Variants in ALPL observed in about 807,000 individuals in gnomAD.
The protein encoded by ALPL is alkaline phosphatase, biomineralization associated.
ALPL carries 42 observed loss-of-function variants against 51.3 expected under a neutral mutation model. The observed-to-expected ratio is 0.82, with a 90% CI of 0.64 to 1.06. ALPL has a LOEUF of 1.06. Among genes scored for constraint, ALPL ranks in the 50% least tolerant of loss-of-function variants. ALPL has a pLI of 0.00. For missense variants in ALPL, 589 were observed against 709.4 expected, an observed-to-expected ratio of 0.83 and a Z score of 1.93; for synonymous variants, 279 against 296.4, an observed-to-expected ratio of 0.94 and a Z score of 0.60.
chr1:21,539,849 G>A (rs1177666389), intron 1 of ALPL, among the ~76,000 whole-genome samples: 1 of 151,966 alleles, frequency 6.6e-6, no homozygotes, highest in Non-Finnish European at 1.5e-5. Context: ...GTAGAGACAG[G>A]GTTTCACCGT....
In ALPL at chr1:21,567,383, G is replaced by A. The variant is rs560606733; in HGVS notation, c.649-721G>A. 4.1e-4 allele frequency among the ~76,000 whole-genome samples: 62 copies of A among 152,248 alleles called. No individual in the cohort carries two copies. The East Asian group carries it at 0.011, about 26-fold the overall frequency. On this transcript the variant is annotated intron_variant, in intron 6 of 11. Coordinates refer to ENST00000374840, the MANE Select transcript of ALPL (RefSeq NM_000478.6). ...CAAACAGTCCCGCGTCCGTCTGCCC[G>A]CACACACCAGCTGGTGGGTAAAATT...
At chr1:21,565,220 C>T (rs542628202) in intron 6 of ALPL, among the ~76,000 whole-genome samples, 14 of 152,332 alleles carry the variant, frequency 9.2e-5, no homozygotes, top group African/African-American at 3.1e-4. Context: ...TAGAGACCCA[C>T]GTCTGCCCTT....
chr1:21,524,125 T>C (rs531291626), intron 1 of ALPL, among the ~76,000 whole-genome samples: 2 of 149,584 alleles, frequency 1.3e-5, no homozygotes, highest in African/African-American at 2.5e-5. Flanking sequence ...TGCCTCAGCC[T>C]ACTGAGTAGC....
At position 21,514,078 on chromosome 1, in the gene ALPL, T is replaced by G. The variant is rs1258111916; in HGVS notation, c.-105+4561T>G. Among the ~76,000 whole-genome samples the G allele has an allele frequency of 3.9e-5, 6 of 152,322 alleles. No individual in the cohort carries two copies. In the East Asian group the frequency reaches 1.2e-3, roughly 29 times the overall value. ...GCTCAGGGTGAGAATATGGGACACG[T>G]GGACACTAGCCCCTCTTCCATAGCC... is the stretch of plus-strand genomic sequence containing the variant. On this transcript the variant is annotated intron_variant, in intron 1 of 11. Transcript: ENST00000374840.
intron 1 of ALPL, among the ~76,000 whole-genome samples, chr1:21,522,906 T>G (rs1444520675): frequency 6.6e-6 from 1 of 152,172 alleles, no homozygotes; most frequent in Non-Finnish European, 1.5e-5. Context: ...GTCAGATACA[T>G]TAATCATTTA....
intron 1 of ALPL, among the ~76,000 whole-genome samples, chr1:21,513,234 C>T (rs561348638): frequency 6.6e-6 from 1 of 152,108 alleles, no homozygotes; most frequent in Admixed American, 6.5e-5. Context: ...GGAGAAGAGG[C>T]TTGCCCAGGG....
intron 2 of ALPL, among the ~76,000 whole-genome samples, chr1:21,554,800 TCTG>T (rs1558543701): frequency 2.9e-3 from 108 of 37,008 alleles, no homozygotes; most frequent in South Asian, 9.6e-3. Flanking sequence ...TGTCTGTCTG[TCTG>T]TCTGTCTGTC....
chr1:21,550,015 CG>C (rs1476027399), intron 1 of ALPL, among the ~76,000 whole-genome samples: 1 of 152,162 alleles, frequency 6.6e-6, no homozygotes, highest in African/African-American at 2.4e-5. Context: ...GTGGTATAGA[CG>C]TAAACCCTCC....
intron 2 of ALPL, among the ~76,000 whole-genome samples, chr1:21,554,794 TGTCTGTCTGTCTGTCTG>T (rs1644380020): frequency 2.5e-5 from 1 of 39,540 alleles, no homozygotes; most frequent in Non-Finnish European, 5.0e-5. Flanking sequence ...CTGGCCTGTC[TGTCTGTCTGTCTGTCTG>T]TCTGTCTTTC....
At chr1:21,541,336 A>G (rs1321004280) in intron 1 of ALPL, among the ~76,000 whole-genome samples, 2 of 152,146 alleles carry the variant, frequency 1.3e-5, no homozygotes, top group East Asian at 1.9e-4. Context: ...AGTGGCTTCT[A>G]TTAGGTGTGG....
chr1:21,551,092 G>C (rs1218162451), intron 1 of ALPL, among the ~76,000 whole-genome samples: 1 of 152,168 alleles, frequency 6.6e-6, no homozygotes, highest in African/African-American at 2.4e-5. Flanking sequence ...ACGGCGAGCG[G>C]ACCTTCCGGT....
chr1:21,528,256 G>A (rs1643976953), intron 1 of ALPL, among the ~76,000 whole-genome samples: 1 of 151,656 alleles, frequency 6.6e-6, no homozygotes, highest in African/African-American at 2.4e-5. Flanking sequence ...CTGGGCTTAA[G>A]CGATCCTCCT....
In ALPL at chr1:21,554,827, T is replaced by G. The variant is rs374710690; in HGVS notation, c.61+685T>G. On this transcript the variant is annotated intron_variant, in intron 2 of 11. Coordinates refer to ENST00000374840, the MANE Select transcript of ALPL (RefSeq NM_000478.6). ...TGTCTGTCTGTCTGTCTTTCTTTCT[T>G]TCTTTCTTTCTTTCTTTCTTTCTTT... is the stretch of plus-strand genomic sequence containing the variant. Among the ~76,000 whole-genome samples, 654 of 119,246 alleles carry G rather than the reference T, an allele frequency of 5.5e-3. 3 individuals carry two copies. The highest frequency in any genetic ancestry group is 0.013 in the South Asian group (50 of 3,716). The allele number at this position is 119,246 out of a possible 152,430, so 78.2% of individuals were successfully genotyped here.
At chr1:21,565,942 C>T (rs577789686) in intron 6 of ALPL, among the ~76,000 whole-genome samples, 3 of 152,294 alleles carry the variant, frequency 2.0e-5, no homozygotes, top group African/African-American at 2.4e-5. Context: ...AAGTCGCTGC[C>T]GGGCTGGAAA....
intron 1 of ALPL, among the ~76,000 whole-genome samples, chr1:21,510,889 A>T (rs1345475083): frequency 6.6e-6 from 1 of 152,110 alleles, no homozygotes; most frequent in Non-Finnish European, 1.5e-5. Flanking sequence ...TTAACTGAAT[A>T]CCTGTGAATT....
At chr1:21,525,055 G>T (rs756327641) in intron 1 of ALPL, among the ~76,000 whole-genome samples, 5 of 152,246 alleles carry the variant, frequency 3.3e-5, no homozygotes, top group Non-Finnish European at 7.3e-5. Context: ...TCTTCCTGGG[G>T]CAGTGAATCT....
chr1:21,515,499 C>T (rs563226890), intron 1 of ALPL, among the ~76,000 whole-genome samples: 1 of 152,156 alleles, frequency 6.6e-6, no homozygotes, highest in African/African-American at 2.4e-5. Context: ...AGAGATTCTC[C>T]TGCCTCAGCC....
intron 4 of ALPL, 44 bp downstream of exon 4, chr1:21,561,256 A>G: frequency 4.0e-6 from 6 of 1,511,358 alleles, no homozygotes; most frequent in South Asian, 1.2e-5. Context: ...TATATCCAGT[A>G]TCCAGGTCGA....
chr1:21,541,919 G>A (rs1430398635), intron 1 of ALPL, among the ~76,000 whole-genome samples: 1 of 152,160 alleles, frequency 6.6e-6, no homozygotes, highest in African/African-American at 2.4e-5. Context: ...TGCTGTCAAT[G>A]GCTAGAAGTC....
Sources: gnomAD v4.1 joint callset for allele counts (sites outside exome capture counted in the v4.1 genomes callset) on GRCh38, gnomAD v4.1.1 for gene constraint, MANE v1.5 for transcripts, NCBI Gene and HGNC (gene_info 2026-07-23, HGNC 2026-07-21) for gene names.